LGSN: variants seen among roughly 807,000 people sequenced by gnomAD.
LGSN encodes lengsin, lens protein with glutamine synthetase domain, also known as lengsin.
In LGSN, 21 loss-of-function variants were observed where a neutral mutation model predicts 19.5. The ratio of observed to expected loss-of-function variants is 1.07; its 90% CI spans 0.76 to 1.55. LGSN has a LOEUF of 1.55. LGSN is among the 40% of genes most tolerant of loss of function. The pLI is 0.00. For missense variants in LGSN, 673 were observed against 608.5 expected (o/e 1.11, Z -1.12); for synonymous variants, 257 against 215.6 (o/e 1.19, Z -1.68).
chr6:63,488,263 A>G, the LGSN span, among the ~76,000 whole-genome samples: 1 of 152,156 alleles, frequency 6.6e-6, no homozygotes, highest in Non-Finnish European at 1.5e-5. Flanking sequence ...TGCTCTAGAT[A>G]TATTATGTCA....
chr6:63,304,990 T>C (rs1768323644), intron 1 of LGSN, among the ~76,000 whole-genome samples: 1 of 152,182 alleles, frequency 6.6e-6, no homozygotes, highest in African/African-American at 2.4e-5. Flanking sequence ...AAGAAGAGAA[T>C]TGTTAAACAA....
At chr6:63,364,927 T>C in the LGSN span, among the ~76,000 whole-genome samples, 1 of 152,114 alleles carries the variant, frequency 6.6e-6, no homozygotes, top group South Asian at 2.1e-4. Flanking sequence ...CTGGGACACA[T>C]TCAAAGCAGT....
chr6:63,552,773 A>G, the LGSN span, among the ~76,000 whole-genome samples: 1 of 152,298 alleles, frequency 6.6e-6, no homozygotes, highest in African/African-American at 2.4e-5. Flanking sequence ...TTTTCCCAAC[A>G]CCATTTATTA....
At chr6:63,485,892 C>T in the LGSN span, among the ~76,000 whole-genome samples, 1 of 152,002 alleles carries the variant, frequency 6.6e-6, no homozygotes, top group African/African-American at 2.4e-5. Context: ...CCATGCCCAG[C>T]TAATTTTTTG....
the LGSN span, among the ~76,000 whole-genome samples, chr6:63,476,496 C>T: frequency 2.0e-5 from 3 of 152,212 alleles, no homozygotes; most frequent in Non-Finnish European, 4.4e-5. Flanking sequence ...TTGGCTGGAA[C>T]TGCGATCATT....
the LGSN span, among the ~76,000 whole-genome samples, chr6:63,348,422 C>T: frequency 6.6e-6 from 1 of 152,002 alleles, no homozygotes; most frequent in Non-Finnish European, 1.5e-5. Flanking sequence ...CCACTGCACT[C>T]CAGCCTGGGC....
the LGSN span, among the ~76,000 whole-genome samples, chr6:63,428,508 T>C: frequency 3.3e-5 from 5 of 151,870 alleles, no homozygotes; most frequent in South Asian, 2.1e-4. Context: ...TGCACCACCA[T>C]GCCCAGCTAA....
At chr6:63,336,553 G>GTATATA in the LGSN span, among the ~76,000 whole-genome samples, 9 of 140,536 alleles carry the variant, frequency 6.4e-5, no homozygotes, top group African/African-American at 2.3e-4. Flanking sequence ...GTGTGTGTGT[G>GTATATA]TGTGTGTGTA....
the LGSN span, among the ~76,000 whole-genome samples, chr6:63,329,093 A>G: frequency 6.6e-6 from 1 of 152,232 alleles, no homozygotes; most frequent in Non-Finnish European, 1.5e-5. Context: ...CAGATCTAGA[A>G]TAGCCTGCTG....
At chr6:63,422,787 A>AAAT in the LGSN span, among the ~76,000 whole-genome samples, 1 of 152,144 alleles carries the variant, frequency 6.6e-6, no homozygotes, top group Non-Finnish European at 1.5e-5. Flanking sequence ...AGACAGGGAA[A>AAAT]AGAAAAATAG....
chr6:63,390,441 T>C, the LGSN span, among the ~76,000 whole-genome samples: 12 of 151,352 alleles, frequency 7.9e-5, no homozygotes, highest in Admixed American at 5.9e-4. Context: ...ATTCCACAAA[T>C]TTTGATCAAC....
the LGSN span, among the ~76,000 whole-genome samples, chr6:63,386,187 T>TAA: frequency 1.3e-5 from 2 of 152,188 alleles, no homozygotes; most frequent in East Asian, 3.8e-4. Context: ...GGAAGTTTGA[T>TAA]AGAGACTTTA....
At chr6:63,312,180 T>C (rs991125700) in intron 1 of LGSN, among the ~76,000 whole-genome samples, 1 of 152,364 alleles carries the variant, frequency 6.6e-6, no homozygotes, top group East Asian at 1.9e-4. Flanking sequence ...TATATCACTT[T>C]TTCTTTATCC....
the LGSN span, among the ~76,000 whole-genome samples, chr6:63,559,375 T>C: frequency 6.6e-6 from 1 of 152,110 alleles, no homozygotes; most frequent in African/African-American, 2.4e-5. Context: ...GTAAAAACAG[T>C]AAATTTACTT....
chr6:63,335,902 G>A, the LGSN span, among the ~76,000 whole-genome samples: 1 of 151,954 alleles, frequency 6.6e-6, no homozygotes, highest in Non-Finnish European at 1.5e-5. Context: ...CACAATAGAA[G>A]ATATGAAGTC....
the LGSN span, among the ~76,000 whole-genome samples, chr6:63,489,397 C>A: frequency 4.6e-5 from 7 of 152,330 alleles, no homozygotes; most frequent in South Asian, 1.4e-3. Context: ...GAGACAGGGT[C>A]TCACTCTGTT....
At chr6:63,422,680 T>C in the LGSN span, among the ~76,000 whole-genome samples, 1 of 151,986 alleles carries the variant, frequency 6.6e-6, no homozygotes, top group Admixed American at 6.6e-5. Flanking sequence ...GAAAATACTA[T>C]ATATACAGAA....
the LGSN span, among the ~76,000 whole-genome samples, chr6:63,482,073 CA>C: frequency 6.6e-6 from 1 of 152,174 alleles, no homozygotes. Flanking sequence ...TATAGTAATT[CA>C]ACAGAACTCC....
upstream of LGSN, among the ~76,000 whole-genome samples, chr6:63,322,293 C>G (rs1379475907): frequency 6.6e-6 from 1 of 152,030 alleles, no homozygotes; most frequent in Non-Finnish European, 1.5e-5. Context: ...TCTTGTCTTC[C>G]CAGCACTAAC....
Sources: allele counts gnomAD v4.1 joint callset (sites outside exome capture counted in the v4.1 genomes callset), GRCh38; gene constraint gnomAD v4.1.1; transcripts MANE v1.5; gene names NCBI Gene and HGNC (gene_info 2026-07-23, HGNC 2026-07-21).